Variants in NELL1 observed in about 807,000 individuals in gnomAD.
NELL1 encodes protein kinase C-binding protein NELL1.
Under a neutral mutation model 107.4 loss-of-function variants are expected in NELL1, and 76 were observed. That is an observed-to-expected ratio of 0.71 (90% CI 0.59 to 0.86). The LOEUF (loss-of-function observed/expected upper bound fraction) is 0.86. Among genes scored for constraint, NELL1 ranks in the 40% least tolerant of loss-of-function variants. The pLI, the probability that NELL1 is intolerant of heterozygous loss-of-function variation, is 0.00. For synonymous variants in NELL1, 353 were observed against 341.2 expected (o/e 1.03, Z -0.38); for missense variants, 1,024 against 1,005.5 (o/e 1.02, Z -0.25).
chr11:21,570,210 A>G (rs2134012802), intron 17 of NELL1, among the ~76,000 whole-genome samples: 1 of 151,968 alleles, frequency 6.6e-6, no homozygotes, highest in African/African-American at 2.4e-5. Context: ...TTGCCAAAGA[A>G]TATTTTGAGA....
intron 13 of NELL1, among the ~76,000 whole-genome samples, chr11:21,180,549 A>C (rs1351472211): frequency 6.6e-6 from 1 of 151,830 alleles, no homozygotes; most frequent in Non-Finnish European, 1.5e-5. Flanking sequence ...ATAAAGTAGA[A>C]ATAAATCATC....
At chr11:21,539,115 G>A (rs1429194510) in intron 16 of NELL1, among the ~76,000 whole-genome samples, 1 of 152,146 alleles carries the variant, frequency 6.6e-6, no homozygotes, top group Non-Finnish European at 1.5e-5. Context: ...AAACGGCAGA[G>A]TTCCCTGACC....
intron 12 of NELL1, among the ~76,000 whole-genome samples, chr11:21,012,703 C>T (rs1263947525): frequency 6.6e-6 from 1 of 151,998 alleles, no homozygotes; most frequent in Admixed American, 6.6e-5. Flanking sequence ...ATGGCAAATG[C>T]TAATTGGTTG....
At chr11:20,740,825 T>C (rs1395883212) in intron 2 of NELL1, among the ~76,000 whole-genome samples, 1 of 152,130 alleles carries the variant, frequency 6.6e-6, no homozygotes, top group Non-Finnish European at 1.5e-5. Flanking sequence ...AGTATCTTGC[T>C]ATGTTGCCTA....
chr11:21,118,674 G>A (rs962902923), intron 13 of NELL1, among the ~76,000 whole-genome samples: 1 of 152,058 alleles, frequency 6.6e-6, no homozygotes, highest in Non-Finnish European at 1.5e-5. Context: ...TCCTGATATA[G>A]CATTTCCATT....
At chr11:21,567,115 C>T (rs1340187657) in intron 17 of NELL1, among the ~76,000 whole-genome samples, 2 of 151,832 alleles carry the variant, frequency 1.3e-5, no homozygotes, top group African/African-American at 4.8e-5. Flanking sequence ...CAGCCACAGA[C>T]ACAGACATGC....
chr11:20,700,843 C>A (rs555026764), intron 2 of NELL1, among the ~76,000 whole-genome samples: 11 of 152,196 alleles, frequency 7.2e-5, no homozygotes, highest in African/African-American at 2.6e-4. Flanking sequence ...TGAACTTATC[C>A]TTTTTTATGG....
intron 2 of NELL1, among the ~76,000 whole-genome samples, chr11:20,766,390 A>G (rs1314190067): frequency 3.9e-5 from 6 of 152,216 alleles, no homozygotes; most frequent in Admixed American, 2.0e-4. Context: ...TTTTATTGGA[A>G]AGGAAAGACA....
intron 2 of NELL1, among the ~76,000 whole-genome samples, chr11:20,695,020 G>T (rs888119126): frequency 6.6e-6 from 1 of 151,908 alleles, no homozygotes; most frequent in Non-Finnish European, 1.5e-5. Flanking sequence ...CCATTGTTAG[G>T]TGTGTTTCTA....
intron 15 of NELL1, among the ~76,000 whole-genome samples, chr11:21,374,901 GTGTGTGT>G (rs1851437636): frequency 6.6e-6 from 1 of 150,770 alleles, no homozygotes; most frequent in African/African-American, 2.5e-5. Flanking sequence ...GTGTGTGTGT[GTGTGTGT>G]GTGTGTGTGT....
chr11:20,679,836 A>G (rs979242878), intron 2 of NELL1, among the ~76,000 whole-genome samples: 5 of 152,206 alleles, frequency 3.3e-5, no homozygotes, highest in African/African-American at 1.2e-4. Flanking sequence ...GGTGATCAAT[A>G]AACATTTTGA....
chr11:20,737,179 C>T (rs1313456025), intron 2 of NELL1, among the ~76,000 whole-genome samples: 2 of 152,048 alleles, frequency 1.3e-5, no homozygotes, highest in East Asian at 3.9e-4. Context: ...CTCACATAGG[C>T]TCTGGAGTCT....
intron 12 of NELL1, among the ~76,000 whole-genome samples, chr11:21,013,202 T>A (rs1356848596): frequency 6.6e-6 from 1 of 152,156 alleles, no homozygotes; most frequent in Admixed American, 6.5e-5. Context: ...TTATCACTGT[T>A]CTAATTTTTT....
At chr11:21,031,668 G>A (rs4922728) in intron 12 of NELL1, among the ~76,000 whole-genome samples, 38,492 of 151,816 alleles carry the variant, frequency 0.25, 5,330 homozygotes, top group East Asian at 0.39. Context: ...ATTTCTTAGT[G>A]TAGCAGATTT....
chr11:20,760,601 G>A (rs1416473216), intron 2 of NELL1, among the ~76,000 whole-genome samples: 1 of 152,172 alleles, frequency 6.6e-6, no homozygotes, highest in Non-Finnish European at 1.5e-5. Flanking sequence ...AGCCAGTGGA[G>A]GACAGAGAGG....
chr11:21,128,388 C>T (rs761042450), intron 13 of NELL1, among the ~76,000 whole-genome samples: 4 of 151,924 alleles, frequency 2.6e-5, no homozygotes, highest in Non-Finnish European at 4.4e-5. Flanking sequence ...TTCCCATTCT[C>T]GTTGATAAGC....
intron 13 of NELL1, among the ~76,000 whole-genome samples, chr11:21,195,034 T>G (rs748713655): frequency 6.6e-6 from 1 of 152,128 alleles, no homozygotes; most frequent in Non-Finnish European, 1.5e-5. Flanking sequence ...TCTTGGACTT[T>G]TCTTTATTAA....
At chr11:21,078,084 C>G (rs564565918) in intron 12 of NELL1, among the ~76,000 whole-genome samples, 1 of 151,764 alleles carries the variant, frequency 6.6e-6, no homozygotes, top group African/African-American at 2.4e-5. Context: ...TAATTTTTTT[C>G]AAGGATACAA....
chr11:21,337,790 TTCTTTCC>T, intron 14 of NELL1, among the ~76,000 whole-genome samples: 3 of 139,826 alleles, frequency 2.1e-5, no homozygotes, highest in Admixed American at 7.4e-5. Flanking sequence ...CTTTCTTTCT[TTCTTTCC>T]TTCTTTCTTT....
Sources: allele counts gnomAD v4.1 joint callset (sites outside exome capture counted in the v4.1 genomes callset), GRCh38; gene constraint gnomAD v4.1.1; transcripts MANE v1.5; gene names NCBI Gene and HGNC (gene_info 2026-07-23, HGNC 2026-07-21).